PPAT: variants seen among roughly 807,000 people sequenced by gnomAD.
PPAT encodes amidophosphoribosyltransferase.
In PPAT, 20 loss-of-function variants were observed where a neutral mutation model predicts 60.2. That is an observed-to-expected ratio of 0.33 (90% confidence interval 0.23 to 0.48). The LOEUF (loss-of-function observed/expected upper bound fraction) is 0.48, where lower values mean the gene tolerates loss of function less well. Ranked by LOEUF, PPAT falls within the 20% of genes least tolerant of loss-of-function variation. PPAT has a pLI of 0.99. For synonymous variants in PPAT, 194 were observed against 215.1 expected, an observed-to-expected ratio of 0.90 and a Z score of 0.86; for missense variants, 349 against 629.6, an observed-to-expected ratio of 0.55 and a Z score of 4.77.
Position 56,395,145 on chromosome 4 carries a change from C to T in PPAT, c.*207G>A, listed in dbSNP as rs1715938885. 3 of 483,450 alleles carry T rather than the reference C, an allele frequency of 6.2e-6. No individual in the cohort carries two copies. The highest frequency in any genetic ancestry group is 4.5e-5 in the Admixed American group (1 of 21,980). The allele number at this position is 483,450 out of a possible 1,614,324, so 29.9% of individuals were successfully genotyped here. Reference sequence around the variant, plus strand: ...TGCTTGTGTAAAAAAAAGAACACCACATATTGTTGTATTATATGCAATTGG... The same window carrying T: ...TGCTTGTGTAAAAAAAAGAACACCATATATTGTTGTATTATATGCAATTGG... On this transcript the variant is annotated 3_prime_UTR_variant, in exon 11 of 11. Transcript: ENST00000264220.
At position 56,415,136 on chromosome 4, in the gene PPAT, T is replaced by A. The variant is rs182852452; in HGVS notation, c.129-7420A>T. 1.2e-4 allele frequency among the ~76,000 whole-genome samples: 19 copies of A among 152,330 alleles called. No individual in the cohort carries two copies. The East Asian group carries it at 3.7e-3, about 29-fold the overall frequency. ...GGTGAATCATGATTTAAAATGAATA[T>A]TTATGCCATTAAAATCACACCTAAA... is the stretch of plus-strand genomic sequence containing the variant. On this transcript the variant is annotated intron_variant, in intron 1 of 10. Transcript: ENST00000264220.
intron 3 of PPAT, among the ~76,000 whole-genome samples, chr4:56,406,077 G>C (rs1716233318): frequency 6.6e-6 from 1 of 152,174 alleles, no homozygotes; most frequent in Non-Finnish European, 1.5e-5. Flanking sequence ...GCTGGTATAA[G>C]AAACCCCCCT....
intron 1 of PPAT, among the ~76,000 whole-genome samples, chr4:56,425,917 T>C (rs901773181): frequency 6.6e-6 from 1 of 152,206 alleles, no homozygotes; most frequent in Non-Finnish European, 1.5e-5. Flanking sequence ...CCCACAGACA[T>C]CACTGCATTA....
chr4:56,404,108 C>T, intron 3 of PPAT: 1 of 375,954 alleles, frequency 2.7e-6, no homozygotes, highest in South Asian at 2.0e-5. Context: ...TGGCTGGAGG[C>T]AATAGGAAAT....
rs1197392768 is a variant in PPAT, at chr4:56,394,458, G to C, written c.*894C>G. 6.6e-6 allele frequency: 1 copy of C among 152,002 alleles called. No individual in the cohort carries two copies. Among genetic ancestry groups the C allele is most frequent in the Non-Finnish European group, 1.5e-5 (1 of 68,008 alleles). 9.4% of individuals were successfully genotyped at this position (152,002 alleles called of 1,614,324 possible). A position where few individuals can be genotyped will look rare whatever the true frequency, so the allele number is the denominator to read the frequency against. On this transcript the variant is annotated 3_prime_UTR_variant, in exon 11 of 11. Transcript: ENST00000264220. ...TAATTAATTAAATTAAGGATAAAGG[G>C]ATTGTTTGAATCTAAAAATTTGGTT...
chr4:56,411,196 G>T (rs1470334856), intron 1 of PPAT, among the ~76,000 whole-genome samples: 1 of 152,154 alleles, frequency 6.6e-6, no homozygotes, highest in Non-Finnish European at 1.5e-5. Flanking sequence ...TTGAAATATG[G>T]ATTGAGTTCT....
Position 56,394,733 on chromosome 4 carries a change from T to C in PPAT, c.*619A>G, listed in dbSNP as rs1319247136. Reference sequence around the variant, plus strand: ...TTAGCTTTCTGAAAGCTAACAATCATGAGTTGTCTTAAAATCAGAAGTGAA... The same window carrying C: ...TTAGCTTTCTGAAAGCTAACAATCACGAGTTGTCTTAAAATCAGAAGTGAA... On this transcript the variant is annotated 3_prime_UTR_variant, in exon 11 of 11. Coordinates refer to ENST00000264220, the MANE Select transcript of PPAT (RefSeq NM_002703.5). 1 of 152,196 alleles carries C rather than the reference T, an allele frequency of 6.6e-6. No homozygotes were observed. Among genetic ancestry groups the C allele is most frequent in the African/African-American group, 2.4e-5 (1 of 41,448 alleles). The allele number at this position is 152,196 out of a possible 1,614,324, so 9.4% of individuals were successfully genotyped here.
intron 9 of PPAT, among the ~76,000 whole-genome samples, chr4:56,397,661 TTAATA>T (rs1381419368): frequency 5.3e-5 from 8 of 152,130 alleles, no homozygotes; most frequent in Non-Finnish European, 7.4e-5. Context: ...TTAAAATAAC[TTAATA>T]TATCTATATA....
In PPAT at chr4:56,396,424, T is replaced by C. The variant is rs564078504; in HGVS notation, c.1357+195A>G. Reference sequence around the variant, plus strand: ...TTCTCTGATCTCACCTTGGCTTAGCTCTCCAACACAAGACTCTGTGGTGTC... The same window carrying C: ...TTCTCTGATCTCACCTTGGCTTAGCCCTCCAACACAAGACTCTGTGGTGTC... On this transcript the variant is annotated intron_variant, in intron 10 of 10. Transcript: ENST00000264220. The surrounding 1 kb of genome is among the most constrained non-coding windows in gnomAD (Gnocchi z 4.6). 8 of 437,282 alleles carry C rather than the reference T, an allele frequency of 1.8e-5. No homozygotes were observed. The highest frequency in any genetic ancestry group is 3.1e-5 in the Non-Finnish European group (8 of 259,534). 27.1% of individuals were successfully genotyped at this position (437,282 alleles called of 1,614,324 possible).
At chr4:56,422,149 C>G (rs1717070550) in intron 1 of PPAT, 1 of 152,118 alleles carries the variant, frequency 6.6e-6, no homozygotes, top group Admixed American at 6.6e-5. Flanking sequence ...TGGCACATGC[C>G]TGTAATCCCA....
rs1296578073 is a variant in PPAT, at chr4:56,428,943, T to C, written c.128+6407A>G. The C allele has an allele frequency of 1.3e-5, 12 of 949,902 alleles. No homozygotes were observed. In the East Asian group the frequency reaches 1.3e-3, roughly 101 times the overall value. The allele number at this position is 949,902 out of a possible 1,614,324, so 58.8% of individuals were successfully genotyped here. On this transcript the variant is annotated intron_variant, in intron 1 of 10. Transcript: ENST00000264220. Reference sequence around the variant, plus strand: ...TTTTCCTGTGTTTTTATTTAAGAATTATTTGAAGGTCACAACAAAAGCCAA... The same window carrying C: ...TTTTCCTGTGTTTTTATTTAAGAATCATTTGAAGGTCACAACAAAAGCCAA...
chr4:56,427,924 G>A (rs1353551993), intron 1 of PPAT, among the ~76,000 whole-genome samples: 2 of 152,172 alleles, frequency 1.3e-5, no homozygotes, highest in Admixed American at 6.5e-5. Context: ...AGAGAATACA[G>A]TAGAGAAAGA....
intron 8 of PPAT, 21 bp downstream of exon 8, chr4:56,400,763 A>T (rs561154442): frequency 6.2e-7 from 1 of 1,605,440 alleles, no homozygotes; most frequent in South Asian, 1.1e-5. Context: ...AATTCACTGC[A>T]TGTTAATTAA....
At chr4:56,419,904 G>A in intron 1 of PPAT, 1 of 984,790 alleles carries the variant, frequency 1.0e-6, no homozygotes, top group Non-Finnish European at 1.2e-6. Flanking sequence ...TCAAGATCTA[G>A]GCATGACTAA....
intron 1 of PPAT, among the ~76,000 whole-genome samples, chr4:56,413,062 T>C (rs921986300): frequency 2.6e-5 from 4 of 152,238 alleles, no homozygotes; most frequent in African/African-American, 9.6e-5. Flanking sequence ...TGTCCATTTT[T>C]AGTATTATTA....
intron 3 of PPAT, chr4:56,404,031 T>C (rs7661712): frequency 0.69 from 311,222 of 448,248 alleles, 109,061 homozygotes; most frequent in Admixed American, 0.79. Flanking sequence ...AGACTGGTAC[T>C]AGTCCCTAGC....
At chr4:56,399,609 G>A in intron 8 of PPAT, 1 of 451,338 alleles carries the variant, frequency 2.2e-6, no homozygotes. Context: ...TAATGTTTTT[G>A]TCTTAAACAT....
At chr4:56,420,187 G>C (rs1716968484) in intron 1 of PPAT, 1 of 169,204 alleles carries the variant, frequency 5.9e-6, no homozygotes, top group Admixed American at 6.5e-5. Context: ...CATATACATA[G>C]TGAGGTATCT....
Position 56,396,682 on chromosome 4 carries a change from T to C in PPAT, c.1294A>G (p.Ile432Val), listed in dbSNP as rs993814729. Residue 432 changes from isoleucine (I) to valine (V), a missense_variant, in exon 10 of 11, where the codon ATT (isoleucine) becomes GTT (valine). Ile to Val is a conservative substitution (Grantham distance 29). This residue lies in a region of PPAT where 167 missense variants were observed against 328.6 expected (regional missense o/e 0.51). Coordinates refer to ENST00000264220, the MANE Select transcript of PPAT (RefSeq NM_002703.5). This position sits in a 1 kb window ranked among gnomAD's most constrained non-coding sequence, Gnocchi z 4.6. ...GCAATGAGCTCTTCTTTTGTAGGAATGTTTATTCCCATGAAGCATGGATAT... is the reference window on the plus strand; with the variant it reads ...GCAATGAGCTCTTCTTTTGTAGGAACGTTTATTCCCATGAAGCATGGATAT... ...IKYPCFMGINIPTKEELIANK... is the reference protein window; with the variant it reads ...IKYPCFMGINVPTKEELIANK... The C allele has an allele frequency of 6.2e-7, 1 of 1,610,314 alleles. No homozygotes were observed. Among genetic ancestry groups the C allele is most frequent in the Non-Finnish European group, 8.5e-7 (1 of 1,177,018 alleles).
Sources: allele counts gnomAD v4.1 joint callset (sites outside exome capture counted in the v4.1 genomes callset), GRCh38; gene constraint gnomAD v4.1.1; regional missense constraint gnomAD v4.1.1; non-coding constraint Gnocchi (gnomAD v3.1); transcripts MANE v1.5; gene names NCBI Gene and HGNC (gene_info 2026-07-23, HGNC 2026-07-21).